The following PPP2R5C variants were observed in gnomAD, a reference collection of about 807,000 sequenced individuals.
PPP2R5C encodes the protein protein phosphatase 2 regulatory subunit B'gamma, also known as serine/threonine-protein phosphatase 2A 56 kDa regulatory subunit gamma isoform.
A neutral mutation model predicts 68.9 loss-of-function variants in PPP2R5C; 7 were observed. That is an observed-to-expected ratio of 0.10 (90% CI 0.06 to 0.19). PPP2R5C has a LOEUF of 0.19. Among genes scored for constraint, PPP2R5C ranks in the 10% least tolerant of loss-of-function variants. The pLI is 1.00. For missense variants in PPP2R5C, 348 were observed against 641.3 expected (o/e 0.54, Z 4.94); for synonymous variants, 210 against 222.2 (o/e 0.95, Z 0.49).
chr14:101,769,625 T>C (rs572357405), intron 2 of PPP2R5C, among the ~76,000 whole-genome samples: 11 of 152,318 alleles, frequency 7.2e-5, no homozygotes, highest in Admixed American at 6.5e-4. Context: ...AGCAGAAGAT[T>C]ATGGTACTTA....
At chr14:101,862,439 G>A (rs12897952) in intron 2 of PPP2R5C, among the ~76,000 whole-genome samples, 1 of 152,328 alleles carries the variant, frequency 6.6e-6, no homozygotes, top group South Asian at 2.1e-4. Flanking sequence ...GAGCCATTCA[G>A]AGTGCGCGAT....
chr14:101,826,582 G>A (rs1470646207), intron 1 of PPP2R5C, among the ~76,000 whole-genome samples: 1 of 151,944 alleles, frequency 6.6e-6, no homozygotes, highest in African/African-American at 2.4e-5. Flanking sequence ...CTCCTACTTT[G>A]TTCTTTTTTT....
intron 1 of PPP2R5C, chr14:101,821,168 G>A (rs930071474): frequency 5.9e-5 from 9 of 152,158 alleles, no homozygotes; most frequent in Admixed American, 5.9e-4. Context: ...GACCATGAGA[G>A]CTGAGAGCAT....
intron 1 of PPP2R5C, among the ~76,000 whole-genome samples, chr14:101,842,949 G>A (rs912239349): frequency 3.3e-5 from 5 of 151,960 alleles, no homozygotes; most frequent in Non-Finnish European, 5.9e-5. Context: ...TTTTGGGCTG[G>A]GCACAGTGGC....
intron 13 of PPP2R5C, among the ~76,000 whole-genome samples, chr14:101,923,756 C>T (rs149578259): frequency 1.3e-3 from 198 of 152,270 alleles, no homozygotes; most frequent in Admixed American, 3.5e-3. Context: ...CTGTTTTCAT[C>T]GGTAAATTTG....
At chr14:101,761,590 TGGGGCGAGCGGCGGGCGGGGC>T (rs1198851812), upstream of PPP2R5C, among the ~76,000 whole-genome samples, 3 of 26,140 alleles carry the variant, frequency 1.1e-4, no homozygotes, top group Non-Finnish European at 2.2e-4. Flanking sequence ...GGCGCGGGGG[TGGGGCGAGCGGCGGGCGGGGC>T]GGGGCGGCCG....
intron 1 of PPP2R5C, among the ~76,000 whole-genome samples, chr14:101,847,283 G>A (rs1424282066): frequency 5.9e-5 from 9 of 152,188 alleles, no homozygotes; most frequent in Non-Finnish European, 1.2e-4. Flanking sequence ...AATTGTTCTC[G>A]TTTTGAAGAT....
In PPP2R5C at chr14:101,883,281, T is replaced by C. The variant is rs779796692; in HGVS notation, c.430T>C (p.Phe144Leu). The change falls in exon 4 of 14, where the codon TTT (phenylalanine) becomes CTT (leucine). Residue 144 changes from phenylalanine (F) to leucine (L), a missense_variant. By Grantham distance (22) the Phe-to-Leu change is conservative. This residue lies in a region of PPP2R5C where 54 missense variants were observed against 201.8 expected (regional missense o/e 0.27). Coordinates refer to ENST00000334743, the Ensembl canonical transcript of PPP2R5C. ...GCTTGTTTATGAATTTTTCTTAAGA[T>C]TTTTAGAGTCTCCAGATTTCCAACC... 5.7e-6 allele frequency: 9 copies of C among 1,575,316 alleles called. No individual in the cohort carries two copies. In the South Asian group the frequency reaches 8.2e-5, roughly 14 times the overall value.
chr14:101,880,685 T>C (rs1283934461), intron 2 of PPP2R5C, among the ~76,000 whole-genome samples: 1 of 152,240 alleles, frequency 6.6e-6, no homozygotes, highest in Admixed American at 6.5e-5. Flanking sequence ...TAGTCCCAGC[T>C]ACTTGGGAGG....
chr14:101,821,538 T>C (rs751594768), intron 1 of PPP2R5C, among the ~76,000 whole-genome samples: 1 of 151,932 alleles, frequency 6.6e-6, no homozygotes, highest in Non-Finnish European at 1.5e-5. Context: ...TATATAGCAT[T>C]TTTTGTTTCA....
chr14:101,893,620 C>T (rs1456942622), intron 7 of PPP2R5C, among the ~76,000 whole-genome samples: 1 of 152,172 alleles, frequency 6.6e-6, no homozygotes, highest in Non-Finnish European at 1.5e-5. Context: ...CATGGTGGCA[C>T]ATGCCTGTAA....
intron 3 of PPP2R5C, among the ~76,000 whole-genome samples, chr14:101,800,237 C>A (rs929103201): frequency 6.6e-6 from 1 of 152,006 alleles, no homozygotes; most frequent in East Asian, 1.9e-4. Context: ...AGAGTGAGAC[C>A]CTGTCTCAAA....
Position 101,835,993 on chromosome 14 carries a change from G to A in PPP2R5C, c.95-20693G>A, listed in dbSNP as rs536280145. ...CATGTAGAAAATACCCAATAATGAT[G>A]AACTATTAGTATTCCTTAAAAGAAT... On this transcript the variant is annotated intron_variant, in intron 1 of 13. Coordinates refer to ENST00000334743, the Ensembl canonical transcript of PPP2R5C. The surrounding 1 kb of genome is among the most constrained non-coding windows in gnomAD (Gnocchi z 5.0). Among the ~76,000 whole-genome samples the A allele has an allele frequency of 6.6e-6, 1 of 152,252 alleles. No individual in the cohort carries two copies. The highest frequency in any genetic ancestry group is 1.9e-4 in the East Asian group (1 of 5,184).
At chr14:101,823,563 T>G (rs1159636256) in intron 1 of PPP2R5C, 1 of 171,102 alleles carries the variant, frequency 5.8e-6, no homozygotes, top group East Asian at 1.8e-4. Context: ...TCTTCAAAGC[T>G]CCTCGCAAAA....
At chr14:101,878,728 C>T (rs550413192) in intron 2 of PPP2R5C, among the ~76,000 whole-genome samples, 1 of 152,180 alleles carries the variant, frequency 6.6e-6, no homozygotes, top group African/African-American at 2.4e-5. Context: ...TTGGGTCTCA[C>T]AGGCCTCTCA....
chr14:101,806,806 G>GA (rs1175561198), upstream of PPP2R5C, among the ~76,000 whole-genome samples: 1 of 151,734 alleles, frequency 6.6e-6, no homozygotes, highest in Admixed American at 6.6e-5. Flanking sequence ...TACTGAAAAT[G>GA]AAAAAAATGA....
At chr14:101,816,059 C>T (rs753376706) in intron 1 of PPP2R5C, among the ~76,000 whole-genome samples, 24 of 152,202 alleles carry the variant, frequency 1.6e-4, no homozygotes, top group Non-Finnish European at 2.8e-4. Flanking sequence ...ATCCTCTATA[C>T]GCTGTAGTTA....
chr14:101,866,363 A>G (rs771347258), intron 2 of PPP2R5C, among the ~76,000 whole-genome samples: 4 of 152,254 alleles, frequency 2.6e-5, no homozygotes, highest in Non-Finnish European at 4.4e-5. Context: ...AGGGAGAGAA[A>G]GTAACTTGTG....
At position 101,877,350 on chromosome 14, in the gene PPP2R5C, G is replaced by C. The variant is rs931002083; in HGVS notation, c.295-4811G>C. On this transcript the variant is annotated intron_variant, in intron 2 of 13. Coordinates refer to ENST00000334743, the Ensembl canonical transcript of PPP2R5C. This position sits in a 1 kb window ranked among gnomAD's most constrained non-coding sequence, Gnocchi z 4.2. ...GAGGGTGTAGAGAGACTGTTTCCAT[G>C]AGGCTGTGCTGCCTTTGTTGGGCAG... 2.0e-5 allele frequency among the ~76,000 whole-genome samples: 3 copies of C among 152,128 alleles called. No individual in the cohort carries two copies. The highest frequency in any genetic ancestry group is 2.9e-5 in the Non-Finnish European group (2 of 68,014).
Sources: gnomAD v4.1 joint callset for allele counts (sites outside exome capture counted in the v4.1 genomes callset) on GRCh38, gnomAD v4.1.1 for gene constraint, gnomAD v4.1.1 regional missense constraint, Gnocchi (gnomAD v3.1) non-coding constraint, MANE v1.5 for transcripts, NCBI Gene and HGNC (gene_info 2026-07-23, HGNC 2026-07-21) for gene names.